Variants in PKD1L1 observed in about 807,000 individuals in gnomAD.
PKD1L1 encodes the protein polycystin 1 like 1, transient receptor potential channel interacting, also known as polycystin-1-like protein 1.
Under a neutral mutation model 323.4 loss-of-function variants are expected in PKD1L1, and 236 were observed. The ratio of observed to expected loss-of-function variants is 0.73; its 90% CI spans 0.66 to 0.81. The LOEUF (loss-of-function observed/expected upper bound fraction) is 0.81. Among genes scored for constraint, PKD1L1 ranks in the 40% least tolerant of loss-of-function variants. The pLI is 0.00. For missense variants in PKD1L1, 3,320 were observed against 3,508.0 expected (o/e 0.95, Z 1.35); for synonymous variants, 1,344 against 1,335.0 (o/e 1.01, Z -0.15).
At chr7:47,880,538 T>TGCCACCGCG (rs1786529416) in intron 21 of PKD1L1, among the ~76,000 whole-genome samples, 190 bp downstream of exon 21, 2 of 150,058 alleles carry the variant, frequency 1.3e-5, no homozygotes, top group Non-Finnish European at 3.0e-5. Context: ...TGCCTCGGCC[T>TGCCACCGCG]CCCAAAGTGC....
At chr7:47,813,358 G>T (rs1337218857) in intron 48 of PKD1L1, 65 bp from the exon 49 acceptor site, 1 of 1,567,160 alleles carries the variant, frequency 6.4e-7, no homozygotes, top group African/African-American at 1.3e-5. Context: ...GCAATCCGGG[G>T]TCTCCAGGCC....
At chr7:47,832,988 T>C (rs1331088913) in intron 41 of PKD1L1, 102 bp downstream of exon 41, 82 of 1,416,394 alleles carry the variant, frequency 5.8e-5, no homozygotes, top group Non-Finnish European at 7.6e-5. Flanking sequence ...GAGTATTCAG[T>C]GACATTTGGC....
At chr7:47,864,582 TTC>T (rs770232559) in intron 26 of PKD1L1, among the ~76,000 whole-genome samples, 3 of 74,300 alleles carry the variant, frequency 4.0e-5, no homozygotes, top group South Asian at 5.5e-4. Flanking sequence ...TTTCTTTTCT[TTC>T]TTTCTTTCTT....
chr7:47,858,764 G>A lies in PKD1L1; in HGVS notation c.4271C>T (p.Ser1424Phe). 1 of 1,614,112 alleles carries A rather than the reference G, an allele frequency of 6.2e-7. No homozygotes were observed. The highest frequency in any genetic ancestry group is 1.7e-5 in the Admixed American group (1 of 60,016). Residue 1424 changes from serine to phenylalanine, a missense_variant, in exon 27 of 57, where the codon TCC (serine) becomes TTC (phenylalanine). Ser to Phe is a radical substitution (Grantham distance 155, BLOSUM62 -2). Transcript: ENST00000289672. ...GVRLELIGLISRVWEVSEQEN... is the reference protein window; with the variant it reads ...GVRLELIGLIFRVWEVSEQEN... ...TTGCTCAGAGACTTCCCAGACTCTG[G>A]ATATGAGACCGATGAGCTCAAGCCT... is the stretch of plus-strand genomic sequence containing the variant.
At chr7:47,873,629 G>A (rs527661999) in intron 24 of PKD1L1, among the ~76,000 whole-genome samples, 12 of 132,582 alleles carry the variant, frequency 9.1e-5, no homozygotes, top group African/African-American at 3.5e-4. Context: ...CAGCCTGGGT[G>A]ACAGGCGGAG....
chr7:47,853,785 C>T (rs1315311831), intron 30 of PKD1L1, among the ~76,000 whole-genome samples: 1 of 119,596 alleles, frequency 8.4e-6, no homozygotes, highest in African/African-American at 3.1e-5. Context: ...AAAAAAAAAA[C>T]ACCAAAAACC....
chr7:47,836,843 T>C, intron 37 of PKD1L1, 78 bp downstream of exon 37: 1 of 1,474,730 alleles, frequency 6.8e-7, no homozygotes. Flanking sequence ...CTGTGAGCTT[T>C]GTTGATTTCT....
intron 31 of PKD1L1, among the ~76,000 whole-genome samples, chr7:47,850,684 G>A (rs989285123): frequency 4.1e-5 from 6 of 147,846 alleles, no homozygotes; most frequent in African/African-American, 1.5e-4. Flanking sequence ...TTAAGTACAT[G>A]CAAAAAAGTG....
rs2128755285 is a variant in PKD1L1 at position 47,929,325 on chromosome 7, A to G, written c.939T>C (p.His313=). The change falls in exon 7 of 57, where the codon CAT becomes CAC. Residue 313 remains histidine, a synonymous_variant. Coordinates refer to ENST00000289672, the MANE Select transcript of PKD1L1 (RefSeq NM_138295.5). ...RAPPNLGFRV[H]MASGEALCLM... is the part of the protein sequence containing the mutation. ...GACAGAGAGCCTCTCCAGAAGCCATATGAACACGGAATCCCAGATTTGGAG... is the reference window on the plus strand; with the variant it reads ...GACAGAGAGCCTCTCCAGAAGCCATGTGAACACGGAATCCCAGATTTGGAG... The G allele has an allele frequency of 6.2e-7, 1 of 1,614,176 alleles. No homozygotes were observed. Among genetic ancestry groups the G allele is most frequent in the Non-Finnish European group, 8.5e-7 (1 of 1,180,028 alleles).
At chr7:47,950,634 G>C (rs778470523), upstream of PKD1L1, among the ~76,000 whole-genome samples, 2 of 152,030 alleles carry the variant, frequency 1.3e-5, no homozygotes, top group Non-Finnish European at 2.9e-5. Context: ...CGCTTGAACC[G>C]GGGAGGCAGA....
At chr7:47,834,087 G>A (rs1036060353) in intron 40 of PKD1L1, among the ~76,000 whole-genome samples, 2 of 152,200 alleles carry the variant, frequency 1.3e-5, no homozygotes, top group African/African-American at 4.8e-5. Context: ...GGCCTCTGCT[G>A]AGACCCCTTC....
Position 47,908,270 on chromosome 7 carries a change from C to G in PKD1L1, c.1229-20G>C. The G allele has an allele frequency of 6.3e-7, 1 of 1,598,976 alleles. No individual in the cohort carries two copies. The highest frequency in any genetic ancestry group is 2.2e-5 in the East Asian group (1 of 44,762). ...CTCCTTCTGGAAAAATAAGAATGAA[C>G]GGACACTTGATGAATTTTTAATAAC... On this transcript the variant is annotated intron_variant, in intron 8 of 56. Transcript: ENST00000289672.
In PKD1L1 at chr7:47,836,922, T is replaced by A. The variant is rs1180682399; in HGVS notation, c.5942A>T (p.Gln1981Leu). The stretch of plus-strand genomic sequence containing the variant: ...ATAAGGAAAAGCGATGGCTCTCACC[T>A]GCTCTTGCCCTCCAGCAGCAACCAG... ...TALVAAGGQEQPHLDVSPTLG... is the reference protein window; with the variant it reads ...TALVAAGGQELPHLDVSPTLG... Residue 1981 changes from glutamine to leucine, a missense_variant and splice_region_variant, in exon 37 of 57, where the codon CAG becomes CTG. Gln to Leu is a moderately radical substitution (Grantham distance 113, BLOSUM62 -2). Coordinates refer to ENST00000289672, the MANE Select transcript of PKD1L1 (RefSeq NM_138295.5). The A allele has an allele frequency of 1.2e-6, 2 of 1,613,456 alleles. No individual in the cohort carries two copies. Among genetic ancestry groups the A allele is most frequent in the Non-Finnish European group, 1.7e-6 (2 of 1,179,788 alleles).
chr7:47,836,769 T>A, intron 37 of PKD1L1, 152 bp downstream of exon 37: 1 of 974,774 alleles, frequency 1.0e-6, no homozygotes, highest in Non-Finnish European at 1.5e-6. Flanking sequence ...AGAGCCCTCC[T>A]GTTCCTTCTC....
At chr7:47,944,836 G>A (rs138299768) in intron 1 of PKD1L1, among the ~76,000 whole-genome samples, 3 of 152,184 alleles carry the variant, frequency 2.0e-5, no homozygotes, top group African/African-American at 4.8e-5. Flanking sequence ...GGCACCAATC[G>A]ACTTGAGAAA....
chr7:47,788,840 G>A (rs767949291), intron 56 of PKD1L1, among the ~76,000 whole-genome samples: 5 of 150,370 alleles, frequency 3.3e-5, no homozygotes, highest in South Asian at 2.1e-4. Flanking sequence ...CTCATGATCC[G>A]CCCACCTTGG....
rs754455591 is a variant in PKD1L1, at chr7:47,831,319, T to G, written c.6371A>C (p.Gln2124Pro). ...CCAAGGCTGAAGGGCCCTTGACCAC[T>G]GGGGCATTAGTCCCTCCAAACCACT... ...PSSGLEGLMP[Q>P]WSRALQPWWS... Residue 2124 changes from glutamine (Q) to proline (P), a missense_variant, in exon 42 of 57, where the codon CAG (glutamine) becomes CCG (proline). Physicochemically the swap from Gln to Pro is moderately conservative, Grantham distance 76. Transcript: ENST00000289672. 1.2e-6 allele frequency: 2 copies of G among 1,614,082 alleles called. No homozygotes were observed. The highest frequency in any genetic ancestry group is 1.7e-6 in the Non-Finnish European group (2 of 1,179,992).
chr7:47,941,550 T>A (rs1038757679), intron 2 of PKD1L1, among the ~76,000 whole-genome samples: 1 of 152,224 alleles, frequency 6.6e-6, no homozygotes, highest in Non-Finnish European at 1.5e-5. Flanking sequence ...TATCTTGTGA[T>A]AACAAAAGCT....
At chr7:47,814,155 C>T in intron 47 of PKD1L1, 141 bp from the exon 48 acceptor site, 2 of 614,128 alleles carry the variant, frequency 3.3e-6, no homozygotes, top group South Asian at 2.2e-5. Flanking sequence ...CTTCCAATAC[C>T]ATTTTAGGGA....
Sources: allele counts gnomAD v4.1 joint callset (sites outside exome capture counted in the v4.1 genomes callset), GRCh38; gene constraint gnomAD v4.1.1; transcripts MANE v1.5; gene names NCBI Gene and HGNC (gene_info 2026-07-23, HGNC 2026-07-21).